The following AQP7B variants were observed in gnomAD, a reference collection of about 807,000 sequenced individuals.
AQP7B encodes the protein putative aquaporin-7B.
chr2:94,603,876 C>A, the AQP7B span: 171 of 1,386,042 alleles, frequency 1.2e-4, 1 homozygote, highest in Middle Eastern at 2.4e-3. Context: ...CATCCCGGGA[C>A]CCGCCCCCCA....
At chr2:94,604,585 T>A in the AQP7B span, 1 of 1,559,794 alleles carries the variant, frequency 6.4e-7, no homozygotes, top group Non-Finnish European at 8.7e-7. Flanking sequence ...CAGAGATTAT[T>A]TGTGATCCCA....
chr2:94,597,864 C>G, the AQP7B span, among the ~76,000 whole-genome samples: 6 of 152,154 alleles, frequency 3.9e-5, no homozygotes, highest in Non-Finnish European at 8.8e-5. Flanking sequence ...CTCGGCCTCC[C>G]AAAGTGCTGG....
At chr2:94,603,369 CTG>C in the AQP7B span, 9 of 1,596,614 alleles carry the variant, frequency 5.6e-6, no homozygotes, top group Non-Finnish European at 6.0e-6. Context: ...GCATGATAGT[CTG>C]TGTCTCCGCA....
At chr2:94,590,141 C>T in the AQP7B span, among the ~76,000 whole-genome samples, 2 of 152,144 alleles carry the variant, frequency 1.3e-5, no homozygotes, top group Admixed American at 6.5e-5. Flanking sequence ...TGGGTTTTGA[C>T]TTTGTATCCC....
At chr2:94,600,814 G>A in the AQP7B span, among the ~76,000 whole-genome samples, 1 of 151,960 alleles carries the variant, frequency 6.6e-6, no homozygotes, top group Non-Finnish European at 1.5e-5. Context: ...GGGAGTTGGA[G>A]GTTGCGGTGA....
the AQP7B span, among the ~76,000 whole-genome samples, chr2:94,599,948 G>A: frequency 1.3e-5 from 2 of 150,952 alleles, no homozygotes; most frequent in South Asian, 4.2e-4. Context: ...GCGTGATCTC[G>A]GATCACTGCA....
chr2:94,604,104 C>T, the AQP7B span, among the ~76,000 whole-genome samples: 1 of 152,186 alleles, frequency 6.6e-6, no homozygotes, highest in Admixed American at 6.5e-5. Flanking sequence ...ACAGATCCTG[C>T]ACCTGCACTG....
At chr2:94,597,301 A>G in the AQP7B span, among the ~76,000 whole-genome samples, 1 of 152,174 alleles carries the variant, frequency 6.6e-6, no homozygotes, top group Non-Finnish European at 1.5e-5. Flanking sequence ...CAGAAGCAGG[A>G]GGGTGCATCC....
the AQP7B span, chr2:94,602,513 G>A: frequency 6.2e-6 from 10 of 1,605,380 alleles, no homozygotes; most frequent in Non-Finnish European, 8.5e-6. Context: ...TGGTTCTGTG[G>A]CCCATATGGT....
At chr2:94,602,019 G>GTA in the AQP7B span, among the ~76,000 whole-genome samples, 2 of 58,216 alleles carry the variant, frequency 3.4e-5, no homozygotes, top group African/African-American at 1.7e-4. Flanking sequence ...TTGCGGCGGA[G>GTA]TGTGTGTGTG....
chr2:94,597,678 C>G, the AQP7B span, among the ~76,000 whole-genome samples: 1 of 147,726 alleles, frequency 6.8e-6, no homozygotes, highest in African/African-American at 2.5e-5. Context: ...AATCTCGGCT[C>G]ACTGCAACCT....
the AQP7B span, chr2:94,603,806 G>A: frequency 6.6e-7 from 1 of 1,516,446 alleles, no homozygotes; most frequent in Non-Finnish European, 9.1e-7. Flanking sequence ...CTGGTGATAA[G>A]CATCCTCGTG....
At chr2:94,587,859 G>A in the AQP7B span, among the ~76,000 whole-genome samples, 7 of 152,096 alleles carry the variant, frequency 4.6e-5, no homozygotes, top group African/African-American at 1.4e-4. Context: ...GGGCTGGAGG[G>A]TTTCAGCAGT....
At chr2:94,602,018 AGTGTGTGTGTGTGTGT>A in the AQP7B span, among the ~76,000 whole-genome samples, 4 of 139,846 alleles carry the variant, frequency 2.9e-5, no homozygotes, top group East Asian at 2.2e-4. Flanking sequence ...ATTGCGGCGG[AGTGTGTGTGTGTGTGT>A]GTGTGTGTGT....
chr2:94,595,976 T>C, the AQP7B span, among the ~76,000 whole-genome samples: 5 of 151,854 alleles, frequency 3.3e-5, no homozygotes, highest in Non-Finnish European at 5.9e-5. Context: ...GAGAAAAGGA[T>C]GGTTTGAGGA....
At chr2:94,598,270 C>T in the AQP7B span, among the ~76,000 whole-genome samples, 1 of 151,958 alleles carries the variant, frequency 6.6e-6, no homozygotes, top group African/African-American at 2.4e-5. Flanking sequence ...AAGGTTTTGC[C>T]AAAAAAGCTA....
chr2:94,589,775 GC>G, the AQP7B span, among the ~76,000 whole-genome samples: 1 of 151,304 alleles, frequency 6.6e-6, no homozygotes, highest in Non-Finnish European at 1.5e-5. Context: ...AGCCTCCTCC[GC>G]CCCCCACAAG....
At chr2:94,602,796 C>A in the AQP7B span, among the ~76,000 whole-genome samples, 1 of 152,168 alleles carries the variant, frequency 6.6e-6, no homozygotes, top group Non-Finnish European at 1.5e-5. Flanking sequence ...TCTTTCTGGG[C>A]CCCCCTGACC....
the AQP7B span, among the ~76,000 whole-genome samples, chr2:94,592,289 G>T: frequency 6.6e-6 from 1 of 152,158 alleles, no homozygotes; most frequent in East Asian, 1.9e-4. Context: ...GCAGCAAAAA[G>T]TAAGCAGAGG....
Sources: gnomAD v4.1 joint callset for allele counts (sites outside exome capture counted in the v4.1 genomes callset) on GRCh38, gnomAD v4.1.1 for gene constraint, MANE v1.5 for transcripts, NCBI Gene and HGNC (gene_info 2026-07-23, HGNC 2026-07-21) for gene names.